RAB6A: variants seen among roughly 807,000 people sequenced by gnomAD.
RAB6A encodes ras-related protein Rab-6A.
A neutral mutation model predicts 32.3 loss-of-function variants in RAB6A; 8 were observed. The observed-to-expected ratio is 0.25, with a 90% CI of 0.15 to 0.45. The LOEUF (loss-of-function observed/expected upper bound fraction) is 0.45, where lower values mean the gene tolerates loss of function less well. Among genes scored for constraint, RAB6A ranks in the 20% least tolerant of loss-of-function variants. RAB6A has a pLI of 1.00. For synonymous variants in RAB6A, 73 were observed against 82.1 expected, an observed-to-expected ratio of 0.89 and a Z score of 0.60; for missense variants, 104 against 249.4, an observed-to-expected ratio of 0.42 and a Z score of 3.93.
intron 6 of RAB6A, among the ~76,000 whole-genome samples, chr11:73,704,673 G>T (rs1181165604): frequency 1.3e-5 from 2 of 148,976 alleles, no homozygotes; most frequent in Non-Finnish European, 3.0e-5. Context: ...GACAGAGTGA[G>T]ACTCCATCTC....
intron 1 of RAB6A, among the ~76,000 whole-genome samples, chr11:73,756,575 T>A (rs1342234673): frequency 6.6e-6 from 1 of 152,230 alleles, no homozygotes; most frequent in Admixed American, 6.5e-5. Context: ...TGTAAACCAC[T>A]GAGTGACATT....
intron 7 of RAB6A, among the ~76,000 whole-genome samples, chr11:73,678,736 T>TG (rs201191998): frequency 6.4e-4 from 87 of 135,332 alleles, no homozygotes; most frequent in East Asian, 4.8e-3. Context: ...TTTTTTTTTT[T>TG]GGGGGGGGAA....
At chr11:73,713,457 A>G (rs1169981750) in intron 5 of RAB6A, among the ~76,000 whole-genome samples, 1 of 151,904 alleles carries the variant, frequency 6.6e-6, no homozygotes, top group Non-Finnish European at 1.5e-5. Flanking sequence ...AGTCCCAGCT[A>G]CTCAGGAGGC....
intron 1 of RAB6A, among the ~76,000 whole-genome samples, chr11:73,741,086 G>A (rs779920313): frequency 2.6e-5 from 4 of 152,026 alleles, no homozygotes; most frequent in Non-Finnish European, 5.9e-5. Flanking sequence ...TGATGAAATA[G>A]AGACATCCAA....
intron 7 of RAB6A, among the ~76,000 whole-genome samples, chr11:73,678,679 T>C (rs1269063877): frequency 6.6e-6 from 1 of 151,312 alleles, no homozygotes; most frequent in South Asian, 2.1e-4. Context: ...TTTGTTGTTG[T>C]TGTTGTTTTG....
chr11:73,746,372 C>T (rs934757701), intron 1 of RAB6A, among the ~76,000 whole-genome samples: 4 of 151,816 alleles, frequency 2.6e-5, no homozygotes, highest in South Asian at 2.1e-4. Flanking sequence ...TAGCCAGGCA[C>T]AGTGGCACAT....
chr11:73,747,436 A>ACCCCCCCCCCC (rs35103580), intron 1 of RAB6A, among the ~76,000 whole-genome samples: 146 of 139,742 alleles, frequency 1.0e-3, no homozygotes, highest in African/African-American at 1.9e-3. Flanking sequence ...TGTGATCGGA[A>ACCCCCCCCCCC]CCCCCCCCCG....
intron 2 of RAB6A, among the ~76,000 whole-genome samples, chr11:73,726,187 AG>A (rs1249202606): frequency 2.0e-5 from 3 of 151,436 alleles, no homozygotes; most frequent in Non-Finnish European, 4.4e-5. Context: ...CGGGAGGCTG[AG>A]GCAGGAGAAT....
intron 1 of RAB6A, among the ~76,000 whole-genome samples, chr11:73,739,304 T>TATATATATATATATATATATATATATA (rs375733945): frequency 3.1e-5 from 1 of 31,856 alleles, no homozygotes; most frequent in Non-Finnish European, 7.4e-5. Flanking sequence ...TATATATATA[T>TATATATATATATATATATATATATATA]AAATACTGGA....
At chr11:73,733,729 T>A (rs1042906654) in intron 1 of RAB6A, among the ~76,000 whole-genome samples, 2 of 152,166 alleles carry the variant, frequency 1.3e-5, no homozygotes, top group African/African-American at 4.8e-5. Context: ...ATATATACTC[T>A]GTAATTCTAT....
intron 6 of RAB6A, among the ~76,000 whole-genome samples, chr11:73,691,949 G>C (rs1015384914): frequency 4.0e-5 from 6 of 151,374 alleles, no homozygotes; most frequent in South Asian, 2.1e-4. Flanking sequence ...CTCCGGCCTG[G>C]GTGACAAGAG....
chr11:73,731,810 C>T (rs766431228), intron 1 of RAB6A, among the ~76,000 whole-genome samples: 5 of 147,900 alleles, frequency 3.4e-5, no homozygotes, highest in East Asian at 2.0e-4. Flanking sequence ...GGGAAGATCT[C>T]GGCTCACTGC....
chr11:73,700,412 T>C (rs987621418), intron 6 of RAB6A, among the ~76,000 whole-genome samples: 3 of 151,824 alleles, frequency 2.0e-5, no homozygotes, highest in Non-Finnish European at 4.4e-5. Flanking sequence ...GCAAGACCCA[T>C]CTCTAGGAAA....
At chr11:73,684,171 T>TG (rs1415193276) in intron 6 of RAB6A, among the ~76,000 whole-genome samples, 5 of 146,392 alleles carry the variant, frequency 3.4e-5, no homozygotes, top group South Asian at 2.1e-4. Flanking sequence ...CATTGTTGTT[T>TG]TTTTTTTTTT....
chr11:73,686,502 C>A (rs1312524598), intron 6 of RAB6A, among the ~76,000 whole-genome samples: 1 of 152,042 alleles, frequency 6.6e-6, no homozygotes, highest in Non-Finnish European at 1.5e-5. Context: ...TGCAGTGACC[C>A]AGAGATCGCG....
At chr11:73,731,175 T>C (rs1946295429) in intron 1 of RAB6A, among the ~76,000 whole-genome samples, 1 of 152,090 alleles carries the variant, frequency 6.6e-6, no homozygotes, top group Non-Finnish European at 1.5e-5. Flanking sequence ...AATCAAAGTA[T>C]AATCCCTGGG....
intron 2 of RAB6A, among the ~76,000 whole-genome samples, chr11:73,724,281 C>T (rs374179095): frequency 9.9e-5 from 15 of 152,084 alleles, no homozygotes; most frequent in East Asian, 5.8e-4. Context: ...TATATTAGTT[C>T]GAACATCAAA....
intron 2 of RAB6A, among the ~76,000 whole-genome samples, chr11:73,721,645 A>C (rs1014333449): frequency 6.6e-6 from 1 of 152,186 alleles, no homozygotes; most frequent in African/African-American, 2.4e-5. Flanking sequence ...AATGGAAGAA[A>C]GACAGACTCC....
At chr11:73,720,968 G>A (rs2134951941) in intron 2 of RAB6A, 69 bp from the exon 3 acceptor site, 1 of 1,071,250 alleles carries the variant, frequency 9.3e-7, no homozygotes, top group Non-Finnish European at 1.4e-6. Flanking sequence ...GGATTCAAAT[G>A]GGATTCATGA....
Sources: gnomAD v4.1 joint callset for allele counts (sites outside exome capture counted in the v4.1 genomes callset) on GRCh38, gnomAD v4.1.1 for gene constraint, MANE v1.5 for transcripts, NCBI Gene and HGNC (gene_info 2026-07-23, HGNC 2026-07-21) for gene names.